Variants in BTBD16 observed in about 807,000 individuals in gnomAD.
BTBD16 encodes BTB/POZ domain-containing protein 16.
Under a neutral mutation model 67.4 loss-of-function variants are expected in BTBD16, and 66 were observed. The observed-to-expected ratio is 0.98, with a 90% CI of 0.80 to 1.20. The LOEUF is 1.20. Among genes scored for constraint, BTBD16 ranks in the 50% most tolerant of loss-of-function variants. BTBD16 has a pLI of 0.00. For missense variants in BTBD16, 634 were observed against 616.0 expected, an observed-to-expected ratio of 1.03 and a Z score of -0.31; for synonymous variants, 242 against 236.4, an observed-to-expected ratio of 1.02 and a Z score of -0.22.
chr10:122,320,916 T>C (rs2096434334), intron 10 of BTBD16, among the ~76,000 whole-genome samples: 1 of 152,192 alleles, frequency 6.6e-6, no homozygotes, highest in Non-Finnish European at 1.5e-5. Context: ...ATGGATATAT[T>C]ACATGATGCT....
At chr10:122,310,507 C>T (rs2096411876) in intron 10 of BTBD16, among the ~76,000 whole-genome samples, 1 of 152,120 alleles carries the variant, frequency 6.6e-6, no homozygotes, top group Admixed American at 6.5e-5. Context: ...CCTGGGCCAG[C>T]ATTGCGTCAC....
chr10:122,313,188 G>A (rs765831447), intron 10 of BTBD16, among the ~76,000 whole-genome samples: 10 of 149,474 alleles, frequency 6.7e-5, no homozygotes, highest in East Asian at 2.0e-4. Context: ...CATAATGCTC[G>A]TTTGATGAAC....
intron 7 of BTBD16, among the ~76,000 whole-genome samples, chr10:122,292,416 G>A (rs1474929377): frequency 6.6e-6 from 1 of 152,242 alleles, no homozygotes; most frequent in Non-Finnish European, 1.5e-5. Flanking sequence ...GCTTTGGGAA[G>A]TAAGTAACTT....
Position 122,283,860 on chromosome 10 carries a change from T to G in BTBD16, c.177T>G (p.Ile59Met). 6.2e-7 allele frequency: 1 copy of G among 1,613,966 alleles called. No individual in the cohort carries two copies. ...TGCATTTTCCCTTGAGGTTATGCAT[T>G]TCACAAATCCAGAAGTTTTTCTTTG... Reference protein sequence around the residue: ...EALRNPDRLCISQIQKFFFEN... With the variant: ...EALRNPDRLCMSQIQKFFFEN... Residue 59 changes from isoleucine to methionine, a missense_variant, in exon 4 of 16, where the codon ATT (isoleucine) becomes ATG (methionine). By Grantham distance (10) the Ile-to-Met change is conservative. Transcript: ENST00000260723.
Position 122,286,138 on chromosome 10 carries a change from A to G in BTBD16, c.275A>G (p.Glu92Gly), listed in dbSNP as rs767865416. The G allele has an allele frequency of 2.5e-6, 4 of 1,613,672 alleles. No individual in the cohort carries two copies. Among genetic ancestry groups the G allele is most frequent in the South Asian group, 2.2e-5 (2 of 91,012 alleles). Reference sequence around the variant, plus strand: ...CTCGAGTGCCTGGGCTTCAAATGGGAGCTCCATCAGCCCCAGCTTTTTCAG... The same window carrying G: ...CTCGAGTGCCTGGGCTTCAAATGGGGGCTCCATCAGCCCCAGCTTTTTCAG... ...VILECLGFKWELHQPQLFQSE... is the reference protein window; with the variant it reads ...VILECLGFKWGLHQPQLFQSE... Residue 92 changes from glutamate to glycine, a missense_variant, in exon 5 of 16, where the codon GAG becomes GGG. Glu to Gly is a moderately conservative substitution (Grantham distance 98, BLOSUM62 -2). Coordinates refer to ENST00000260723, the MANE Select transcript of BTBD16 (RefSeq NM_144587.5).
chr10:122,294,252 C>T (rs1236598433), intron 7 of BTBD16: 4 of 976,130 alleles, frequency 4.1e-6, no homozygotes, highest in East Asian at 2.3e-4. Flanking sequence ...GTCTGTGTAA[C>T]GGAAGTGCCC....
At chr10:122,318,004 T>C (rs781431308) in intron 10 of BTBD16, among the ~76,000 whole-genome samples, 3 of 152,256 alleles carry the variant, frequency 2.0e-5, no homozygotes, top group Non-Finnish European at 2.9e-5. Context: ...TGTAATTGCA[T>C]GTATTACACT....
chr10:122,332,478 AC>A lies in BTBD16; in HGVS notation c.1132del (p.Gln378ArgfsTer3), dbSNP rs2096456790. On this transcript the variant is annotated frameshift_variant, in exon 13 of 16. Transcript: ENST00000260723. LOFTEE classifies it high-confidence loss of function. ...GDMVHLKDLN[T>X]QAVRFGLLFN... ...CATGGTCCACCTGAAAGATCTTAAC[AC>A]CCAGGCTGTGAGATTTGGGCTGCTC... The A allele has an allele frequency of 1.2e-6, 2 of 1,613,880 alleles. No individual in the cohort carries two copies. The highest frequency in any genetic ancestry group is 3.3e-5 in the Admixed American group (2 of 59,992).
intron 15 of BTBD16, among the ~76,000 whole-genome samples, chr10:122,337,436 T>G (rs1321332390): frequency 6.6e-6 from 1 of 152,194 alleles, no homozygotes; most frequent in Non-Finnish European, 1.5e-5. Context: ...TCTGTGGGGC[T>G]GGAAATATTT....
chr10:122,297,990 G>GTT (rs112980009), intron 8 of BTBD16, among the ~76,000 whole-genome samples, 153 bp downstream of exon 8: 4 of 147,248 alleles, frequency 2.7e-5, no homozygotes, highest in South Asian at 2.2e-4. Flanking sequence ...ACATTTGTGT[G>GTT]TTTTTTTTTT....
intron 4 of BTBD16, among the ~76,000 whole-genome samples, chr10:122,284,926 A>G (rs1322915959): frequency 2.6e-5 from 4 of 152,102 alleles, no homozygotes; most frequent in Non-Finnish European, 5.9e-5. Flanking sequence ...TGTATCCACA[A>G]TTCCGCTCCT....
Position 122,332,525 on chromosome 10 carries a change from T to A in BTBD16, c.1164+12T>A. The A allele has an allele frequency of 6.2e-7, 1 of 1,606,750 alleles. No individual in the cohort carries two copies. The highest frequency in any genetic ancestry group is 8.5e-7 in the Non-Finnish European group (1 of 1,173,408). On this transcript the variant is annotated intron_variant, in intron 13 of 15. Coordinates refer to ENST00000260723, the MANE Select transcript of BTBD16 (RefSeq NM_144587.5). ...TGCTCTTTAACCAGGTACTGAGAAC[T>A]GTACCCGAACAAGGGGAAGAACTGT...
chr10:122,275,195 C>G (rs1047076527), intron 2 of BTBD16, 96 bp downstream of exon 2: 17 of 1,173,096 alleles, frequency 1.4e-5, no homozygotes, highest in Admixed American at 1.1e-4. Context: ...GGTTCTGCAC[C>G]ACCGAGGACC....
chr10:122,334,993 G>A lies in BTBD16; in HGVS notation c.1263+14G>A, dbSNP rs2096461358. 7.9e-7 allele frequency: 1 copy of A among 1,259,690 alleles called. No homozygotes were observed. Among genetic ancestry groups the A allele is most frequent in the African/African-American group, 1.5e-5 (1 of 66,212 alleles). The allele number at this position is 1,259,690 out of a possible 1,614,324, so 78.0% of individuals were successfully genotyped here. ...TTTTACATGCAGGTAAGGATAGAGT[G>A]CATGAAAGTTATGTCTCTGAGACAG... is the stretch of plus-strand genomic sequence containing the variant. On this transcript the variant is annotated intron_variant, in intron 14 of 15. Transcript: ENST00000260723.
At chr10:122,306,031 A>G (rs190915084) in intron 9 of BTBD16, among the ~76,000 whole-genome samples, 1 of 152,282 alleles carries the variant, frequency 6.6e-6, no homozygotes, top group East Asian at 1.9e-4. Flanking sequence ...GCTATTGTGA[A>G]TAGTGTCCGC....
chr10:122,307,369 C>G (rs1234468902), intron 10 of BTBD16, 61 bp downstream of exon 10: 1 of 1,455,852 alleles, frequency 6.9e-7, no homozygotes, highest in Non-Finnish European at 9.2e-7. Flanking sequence ...AAACACTGCT[C>G]ATAATATCAC....
At position 122,290,015 on chromosome 10, in the gene BTBD16, C is replaced by T. The variant is rs774265507; in HGVS notation, c.475+17C>T. Reference sequence around the variant, plus strand: ...CTAAAGTCGGTATGTATATACCCGTCTATATTCTGAGAATGCCATTGAACA... The same window carrying T: ...CTAAAGTCGGTATGTATATACCCGTTTATATTCTGAGAATGCCATTGAACA... On this transcript the variant is annotated intron_variant, in intron 6 of 15. Coordinates refer to ENST00000260723, the MANE Select transcript of BTBD16 (RefSeq NM_144587.5). 80 of 1,501,862 alleles carry T rather than the reference C, an allele frequency of 5.3e-5. No individual in the cohort carries two copies. Among genetic ancestry groups the T allele is most frequent in the Non-Finnish European group, 7.1e-5 (77 of 1,085,696 alleles). The allele number at this position is 1,501,862 out of a possible 1,614,324, so 93.0% of individuals were successfully genotyped here.
intron 13 of BTBD16, among the ~76,000 whole-genome samples, chr10:122,333,370 C>T (rs1172853579): frequency 2.0e-5 from 3 of 152,162 alleles, no homozygotes; most frequent in Admixed American, 6.5e-5. Context: ...CATCTAAGAA[C>T]ATACCTAACC....
At chr10:122,327,896 A>T (rs1334882053) in intron 10 of BTBD16, among the ~76,000 whole-genome samples, 1 of 152,130 alleles carries the variant, frequency 6.6e-6, no homozygotes, top group African/African-American at 2.4e-5. Flanking sequence ...TTTCCTCCAG[A>T]TGGGGCCTTT....
Sources: gnomAD v4.1 joint callset for allele counts (sites outside exome capture counted in the v4.1 genomes callset) on GRCh38, gnomAD v4.1.1 for gene constraint, MANE v1.5 for transcripts, NCBI Gene and HGNC (gene_info 2026-07-23, HGNC 2026-07-21) for gene names.